MTF1: variants seen among roughly 807,000 people sequenced by gnomAD.
MTF1 encodes MRE-binding transcription factor.
In MTF1, 22 loss-of-function variants were observed where a neutral mutation model predicts 70.4. The observed-to-expected ratio is 0.31, with a 90% CI of 0.22 to 0.45. The LOEUF (loss-of-function observed/expected upper bound fraction) is 0.45, where lower values mean the gene tolerates loss of function less well. Among genes scored for constraint, MTF1 ranks in the 20% least tolerant of loss-of-function variants. The probability of loss-of-function intolerance (pLI) is 1.00; values close to 1 mark genes in which losing one functional copy is unlikely to be tolerated. For synonymous variants in MTF1, 333 were observed against 352.8 expected (o/e 0.94, Z 0.63); for missense variants, 649 against 922.0 (o/e 0.70, Z 3.83).
At chr1:37,859,060 G>A (rs1569897667) in intron 1 of MTF1, among the ~76,000 whole-genome samples, 1 of 152,312 alleles carries the variant, frequency 6.6e-6, no homozygotes, top group African/African-American at 2.4e-5. Flanking sequence ...CCCTAGCTCT[G>A]GCTTACGCAA....
chr1:37,830,253 T>C (rs1641066842), intron 7 of MTF1, among the ~76,000 whole-genome samples: 2 of 152,234 alleles, frequency 1.3e-5, no homozygotes, highest in South Asian at 4.1e-4. Context: ...TTAATCTTTT[T>C]CTCTTTGCTC....
chr1:37,810,167 G>C lies in MTF1; in HGVS notation c.*4969C>G, dbSNP rs1015511467. 2 of 152,402 alleles carry C rather than the reference G, an allele frequency of 1.3e-5. No homozygotes were observed. Among genetic ancestry groups the C allele is most frequent in the African/African-American group, 4.8e-5 (2 of 41,442 alleles). 9.4% of individuals were successfully genotyped at this position (152,402 alleles called of 1,614,324 possible). On this transcript the variant is annotated 3_prime_UTR_variant, in exon 11 of 11. Transcript: ENST00000373036. ...GGCCTGAGAACACAGCAGGAAAAGG[G>C]CAAGAGAAAGCCTCTGACTTGGCAC...
chr1:37,839,636 C>T (rs1194194340), intron 3 of MTF1, among the ~76,000 whole-genome samples: 5 of 152,184 alleles, frequency 3.3e-5, no homozygotes, highest in African/African-American at 1.2e-4. Flanking sequence ...AATGCCCAGG[C>T]CAGAATGCTG....
chr1:37,842,545 G>C (rs1641271040), intron 2 of MTF1, among the ~76,000 whole-genome samples: 1 of 152,082 alleles, frequency 6.6e-6, no homozygotes, highest in African/African-American at 2.4e-5. Context: ...TAATGCCTTG[G>C]GGCACTCTTT....
chr1:37,823,382 C>T (rs866348001), intron 8 of MTF1, among the ~76,000 whole-genome samples: 7 of 151,600 alleles, frequency 4.6e-5, no homozygotes, highest in Middle Eastern at 3.2e-3. Flanking sequence ...GTGGAGGTTG[C>T]GGTGAGCTGA....
chr1:37,834,794 T>G (rs924790883), intron 6 of MTF1: 8 of 550,510 alleles, frequency 1.5e-5, no homozygotes, highest in South Asian at 9.8e-5. Context: ...GACTATAAGA[T>G]TTTTGGCCTT....
chr1:37,845,303 T>G (rs1423583565), intron 2 of MTF1, among the ~76,000 whole-genome samples: 1 of 152,194 alleles, frequency 6.6e-6, no homozygotes, highest in East Asian at 1.9e-4. Flanking sequence ...CCTCTTGGAT[T>G]TAGCTGACTC....
At chr1:37,834,334 G>C (rs1343582590) in intron 6 of MTF1, among the ~76,000 whole-genome samples, 1 of 86,944 alleles carries the variant, frequency 1.2e-5, no homozygotes, top group Non-Finnish European at 3.1e-5. Flanking sequence ...AAGTGATACA[G>C]GAAGCTACTG....
chr1:37,816,702 AAAG>A (rs1010910737), intron 10 of MTF1, among the ~76,000 whole-genome samples: 6 of 151,794 alleles, frequency 4.0e-5, no homozygotes, highest in Non-Finnish European at 7.4e-5. Context: ...GAAAGAAAAA[AAAG>A]AAAATTAGCC....
At position 37,815,366 on chromosome 1, in the gene MTF1, A is replaced by T; in HGVS notation, c.2032T>A (p.Phe678Ile). The T allele has an allele frequency of 6.2e-7, 1 of 1,614,074 alleles. No homozygotes were observed. The highest frequency in any genetic ancestry group is 8.5e-7 in the Non-Finnish European group (1 of 1,180,014). The change falls in exon 11 of 11, where the codon TTC becomes ATC. Residue 678 changes from phenylalanine (F) to isoleucine (I), a missense_variant. Around this residue, in one of 7 missense-constraint regions of MTF1, gnomAD observed 138 missense variants for 134.4 expected, o/e 1.03. Transcript: ENST00000373036. This position sits in a 1 kb window ranked among gnomAD's most constrained non-coding sequence, Gnocchi z 4.5. ...GPSLQLPAQT[F>I]SSAPVPGSSS... The stretch of plus-strand genomic sequence containing the variant: ...GACCCGGGAACAGGGGCTGAAGAGA[A>T]AGTCTGCGCTGGGAGCTGCAGGCTG...
intron 7 of MTF1, among the ~76,000 whole-genome samples, chr1:37,832,034 T>G (rs1161299288): frequency 6.6e-6 from 1 of 152,080 alleles, no homozygotes; most frequent in Non-Finnish European, 1.5e-5. Flanking sequence ...GGTTACCGAG[T>G]GAGTGACCTG....
rs188766485 is a variant in MTF1, at chr1:37,850,096, G to A, written c.408+7155C>T. Among the ~76,000 whole-genome samples, 262 of 151,878 alleles carry A rather than the reference G, an allele frequency of 1.7e-3. No homozygotes were observed. The Middle Eastern group carries it at 0.021, about 12-fold the overall frequency. Reference sequence around the variant, plus strand: ...CCAAAACAACCACCAAAAAGTAGCCGGCACAGTAGCACATGCCTGTGGTCC... The same window carrying A: ...CCAAAACAACCACCAAAAAGTAGCCAGCACAGTAGCACATGCCTGTGGTCC... On this transcript the variant is annotated intron_variant, in intron 2 of 10. Coordinates refer to ENST00000373036, the MANE Select transcript of MTF1 (RefSeq NM_005955.3).
intron 9 of MTF1, among the ~76,000 whole-genome samples, chr1:37,819,643 C>T (rs1640879808): frequency 6.6e-6 from 1 of 151,146 alleles, no homozygotes; most frequent in Non-Finnish European, 1.5e-5. Context: ...TACGTTATAG[C>T]AGATGACACT....
At chr1:37,846,742 A>C (rs1641338946) in intron 2 of MTF1, among the ~76,000 whole-genome samples, 1 of 152,194 alleles carries the variant, frequency 6.6e-6, no homozygotes, top group African/African-American at 2.4e-5. Flanking sequence ...AAATTTAAAA[A>C]AATTAGAAAA....
rs142631890 is a variant in MTF1, at chr1:37,821,630, G to C, written c.1767+491C>G. Among the ~76,000 whole-genome samples, 265 of 152,266 alleles carry C rather than the reference G, an allele frequency of 1.7e-3. 2 individuals carry two copies. The highest frequency in any genetic ancestry group is 6.0e-3 in the African/African-American group (251 of 41,544). On this transcript the variant is annotated intron_variant, in intron 9 of 10. Transcript: ENST00000373036. ...GATGAAGCATTAACTGAATGACCAA[G>C]TCATTTCCCTAGTCATCAAGACCAA...
chr1:37,833,257 CTG>C (rs1048604483), intron 6 of MTF1, among the ~76,000 whole-genome samples: 1 of 152,100 alleles, frequency 6.6e-6, no homozygotes, highest in Non-Finnish European at 1.5e-5. Flanking sequence ...TATCAGAAAA[CTG>C]ATGCTCAGAC....
At chr1:37,850,992 C>T (rs1641410831) in intron 2 of MTF1, among the ~76,000 whole-genome samples, 1 of 152,068 alleles carries the variant, frequency 6.6e-6, no homozygotes, top group African/African-American at 2.4e-5. Context: ...TAAGGAAGAG[C>T]TAAAGGATCA....
At chr1:37,835,023 CAAACAA>C (rs2148410898) in intron 6 of MTF1, 50 bp downstream of exon 6, 17 of 1,582,540 alleles carry the variant, frequency 1.1e-5, no homozygotes, top group Non-Finnish European at 1.5e-5. Context: ...TTGTGATACA[CAAACAA>C]CTGTTGAAGT....
chr1:37,839,927 G>A lies in MTF1; in HGVS notation c.640C>T (p.Leu214=). The change falls in exon 3 of 11, where the codon CTG becomes TTG. Residue 214 remains leucine (L), a synonymous_variant. Transcript: ENST00000373036. Reference sequence around the variant, plus strand: ...ATTGGAGACGAGACTGACCTGTACAGTGTGTTGAATGCCTTCTCACAGCCC... The same window carrying A: ...ATTGGAGACGAGACTGACCTGTACAATGTGTTGAATGCCTTCTCACAGCCC... The part of the protein sequence containing the change: ...VQGCEKAFNT[L]YRLKAHQRLH... The A allele has an allele frequency of 6.2e-7, 1 of 1,613,576 alleles. No individual in the cohort carries two copies. Among genetic ancestry groups the A allele is most frequent in the Non-Finnish European group, 8.5e-7 (1 of 1,179,486 alleles).
Sources: allele counts gnomAD v4.1 joint callset (sites outside exome capture counted in the v4.1 genomes callset), GRCh38; gene constraint gnomAD v4.1.1; regional missense constraint gnomAD v4.1.1; non-coding constraint Gnocchi (gnomAD v3.1); transcripts MANE v1.5; gene names NCBI Gene and HGNC (gene_info 2026-07-23, HGNC 2026-07-21).